The following L3MBTL3 variants were observed in gnomAD, a reference collection of about 807,000 sequenced individuals.
L3MBTL3 encodes the protein L3MBTL histone methyl-lysine binding protein 3, also known as lethal(3)malignant brain tumor-like protein 3.
L3MBTL3 carries 27 observed loss-of-function variants against 102.3 expected under a neutral mutation model. The observed-to-expected ratio is 0.26, with a 90% CI of 0.19 to 0.36. The LOEUF is 0.36. L3MBTL3 is among the 10% of genes least tolerant of loss of function. The pLI, the probability that L3MBTL3 is intolerant of heterozygous loss-of-function variation, is 1.00. For missense variants in L3MBTL3, 798 were observed against 955.3 expected (o/e 0.84, Z 2.17); for synonymous variants, 340 against 320.9 (o/e 1.06, Z -0.64).
At chr6:130,093,716 G>C (rs1267447272) in intron 17 of L3MBTL3, among the ~76,000 whole-genome samples, 1 of 152,166 alleles carries the variant, frequency 6.6e-6, no homozygotes, top group African/African-American at 2.4e-5. Flanking sequence ...TCTGTGTTGT[G>C]CCTTTTATGT....
At position 130,066,418 on chromosome 6, in the gene L3MBTL3, T is replaced by A; in HGVS notation, c.930T>A (p.Asn310Lys). The A allele has an allele frequency of 1.9e-6, 3 of 1,612,540 alleles. No homozygotes were observed. The highest frequency in any genetic ancestry group is 1.7e-5 in the Admixed American group (1 of 59,850). Residue 310 changes from asparagine to lysine, a missense_variant, in exon 11 of 23, where the codon AAT (asparagine) becomes AAA (lysine). Around this residue, in one of 4 missense-constraint regions of L3MBTL3, gnomAD observed 434 missense variants for 506.6 expected, o/e 0.86. Coordinates refer to ENST00000361794, the MANE Select transcript of L3MBTL3 (RefSeq NM_032438.4). Reference sequence around the variant, plus strand: ...CTGATTGCTATGACTTCTGGGTGAATGCAGACGCTCTGGATATCCACCCAG... The same window carrying A: ...CTGATTGCTATGACTTCTGGGTGAAAGCAGACGCTCTGGATATCCACCCAG... ...GYSDCYDFWVNADALDIHPVG... is the reference protein window; with the variant it reads ...GYSDCYDFWVKADALDIHPVG...
rs1454494576 is a variant in L3MBTL3 at position 130,112,718 on chromosome 6, C to G, written c.1886+8143C>G. On this transcript the variant is annotated intron_variant, in intron 19 of 22. Coordinates refer to ENST00000361794, the MANE Select transcript of L3MBTL3 (RefSeq NM_032438.4). Reference sequence around the variant, plus strand: ...AAGCTCTGCCCCATATTAAGACGGTCCCACCCTGAATCCACCTGGTATGCC... The same window carrying G: ...AAGCTCTGCCCCATATTAAGACGGTGCCACCCTGAATCCACCTGGTATGCC... 3.3e-5 allele frequency among the ~76,000 whole-genome samples: 4 copies of G among 122,832 alleles called. No homozygotes were observed. The South Asian group carries it at 6.7e-4, about 21-fold the overall frequency. 80.6% of individuals were successfully genotyped at this position (122,832 alleles called of 152,430 possible).
chr6:130,097,442 T>C (rs1784427535), intron 18 of L3MBTL3, among the ~76,000 whole-genome samples: 1 of 152,248 alleles, frequency 6.6e-6, no homozygotes, highest in African/African-American at 2.4e-5. Context: ...AGACTTTGTT[T>C]TGACTAGCGT....
intron 22 of L3MBTL3, among the ~76,000 whole-genome samples, chr6:130,136,511 A>T (rs1787684572): frequency 1.3e-5 from 2 of 152,166 alleles, no homozygotes; most frequent in South Asian, 4.1e-4. Context: ...CTTGCCAATT[A>T]GTCCTGCCCT....
intron 3 of L3MBTL3, among the ~76,000 whole-genome samples, chr6:130,044,000 C>T (rs1420430349): frequency 6.6e-6 from 1 of 152,160 alleles, no homozygotes. Context: ...GTCAAGTTTC[C>T]TCTGCAGTAA....
rs1215952510 is a variant in L3MBTL3, at chr6:130,066,382, T to C, written c.894T>C (p.Phe298=). 2.5e-6 allele frequency: 4 copies of C among 1,609,042 alleles called. No individual in the cohort carries two copies. The African/African-American group carries it at 5.4e-5, about 22-fold the overall frequency. ...GTGGATACCGGATAAAGCTTCACTTTGATGGGTATTCTGATTGCTATGACT... is the reference window on the plus strand; with the variant it reads ...GTGGATACCGGATAAAGCTTCACTTCGATGGGTATTCTGATTGCTATGACT... ...EVCGYRIKLH[F]DGYSDCYDFW... is the part of the protein sequence containing the mutation. The change falls in exon 11 of 23, where the codon TTT becomes TTC. Residue 298 remains phenylalanine, a synonymous_variant. Transcript: ENST00000361794.
chr6:130,091,170 T>G (rs185566892), intron 16 of L3MBTL3, among the ~76,000 whole-genome samples: 6 of 152,306 alleles, frequency 3.9e-5, no homozygotes, highest in Non-Finnish European at 7.4e-5. Flanking sequence ...TTGAGTTTGG[T>G]GTTTTGCTTA....
intron 14 of L3MBTL3, among the ~76,000 whole-genome samples, chr6:130,079,103 G>C (rs920648241): frequency 2.8e-4 from 42 of 152,288 alleles, no homozygotes; most frequent in African/African-American, 9.6e-4. Flanking sequence ...GGATAAGAGG[G>C]ACAGCATTTG....
intron 10 of L3MBTL3, among the ~76,000 whole-genome samples, chr6:130,060,688 A>G (rs1306623470): frequency 2.0e-5 from 3 of 151,236 alleles, no homozygotes; most frequent in South Asian, 2.1e-4. Flanking sequence ...TAAGGAACAG[A>G]CCAACAGATA....
intron 2 of L3MBTL3, among the ~76,000 whole-genome samples, chr6:130,030,245 A>T (rs1017220970): frequency 9.9e-5 from 15 of 151,948 alleles, no homozygotes; most frequent in East Asian, 1.9e-4. Flanking sequence ...AATTTTTTTT[A>T]AAAAAAGTTT....
intron 22 of L3MBTL3, among the ~76,000 whole-genome samples, chr6:130,135,937 C>G (rs1355804685): frequency 6.6e-6 from 1 of 152,158 alleles, no homozygotes; most frequent in East Asian, 1.9e-4. Context: ...TAACCGAAGT[C>G]TTATAAATCA....
chr6:130,129,953 G>A (rs1052231472), intron 20 of L3MBTL3, among the ~76,000 whole-genome samples: 13 of 152,210 alleles, frequency 8.5e-5, no homozygotes, highest in Non-Finnish European at 1.6e-4. Flanking sequence ...TTGCTCAAAT[G>A]AAGCTGCTTT....
At chr6:130,110,624 A>G (rs1459959598) in intron 19 of L3MBTL3, among the ~76,000 whole-genome samples, 4 of 152,294 alleles carry the variant, frequency 2.6e-5, no homozygotes, top group South Asian at 2.1e-4. Context: ...TAAATATACA[A>G]TCATGTCGTC....
chr6:130,020,840 C>G (rs1296931107), intron 1 of L3MBTL3, among the ~76,000 whole-genome samples: 4 of 151,646 alleles, frequency 2.6e-5, no homozygotes, highest in African/African-American at 9.7e-5. Flanking sequence ...CCCCCACCCC[C>G]AACGCCTCGC....
intron 2 of L3MBTL3, among the ~76,000 whole-genome samples, chr6:130,027,131 A>G (rs1246370737): frequency 6.6e-6 from 1 of 152,144 alleles, no homozygotes; most frequent in Non-Finnish European, 1.5e-5. Flanking sequence ...TTGTATTGCA[A>G]TGGGAATTAT....
At chr6:130,111,943 A>G (rs1785374877) in intron 19 of L3MBTL3, among the ~76,000 whole-genome samples, 1 of 152,032 alleles carries the variant, frequency 6.6e-6, no homozygotes, top group Non-Finnish European at 1.5e-5. Context: ...CCCCTGCCTA[A>G]CTCCTGCTTT....
chr6:130,047,348 G>A (rs1780788561), intron 3 of L3MBTL3, among the ~76,000 whole-genome samples: 1 of 152,152 alleles, frequency 6.6e-6, no homozygotes, highest in Admixed American at 6.6e-5. Context: ...AGCTGACTGG[G>A]ATTGAAGGTT....
At chr6:130,101,927 C>T (rs930829118) in intron 18 of L3MBTL3, among the ~76,000 whole-genome samples, 1 of 152,130 alleles carries the variant, frequency 6.6e-6, no homozygotes, top group South Asian at 2.1e-4. Flanking sequence ...GAAATACTAC[C>T]GTCTGCCCAT....
intron 13 of L3MBTL3, among the ~76,000 whole-genome samples, chr6:130,076,512 G>C (rs1452317458): frequency 2.0e-5 from 3 of 152,066 alleles, no homozygotes; most frequent in Admixed American, 2.0e-4. Flanking sequence ...TTTACCGTCT[G>C]AGTCTCATTG....
Sources: gnomAD v4.1 joint callset for allele counts (sites outside exome capture counted in the v4.1 genomes callset) on GRCh38, gnomAD v4.1.1 for gene constraint, gnomAD v4.1.1 regional missense constraint, MANE v1.5 for transcripts, NCBI Gene and HGNC (gene_info 2026-07-23, HGNC 2026-07-21) for gene names.